TIMM23: variants seen among roughly 807,000 people sequenced by gnomAD.
The protein encoded by TIMM23 is mitochondrial import inner membrane translocase subunit Tim23.
TIMM23 carries 19 observed loss-of-function variants against 30.7 expected under a neutral mutation model. The observed-to-expected ratio is 0.62, with a 90% CI of 0.43 to 0.91. The LOEUF is 0.91. TIMM23 is among the 40% of genes least tolerant of loss of function. The pLI is 0.00. For missense variants in TIMM23, 202 were observed against 269.2 expected (o/e 0.75, Z 1.75); for synonymous variants, 78 against 98.5 (o/e 0.79, Z 1.23).
In TIMM23 at chr10:45,988,735, A is replaced by C; in HGVS notation, c.404-2A>C. The C allele has an allele frequency of 1.9e-6, 3 of 1,613,784 alleles. No homozygotes were observed. Among genetic ancestry groups the C allele is most frequent in the Non-Finnish European group, 2.5e-6 (3 of 1,179,778 alleles). On this transcript the variant is annotated splice_acceptor_variant, in intron 5 of 6. Transcript: ENST00000580018. LOFTEE classifies it high-confidence loss of function. ...CACTGAGCACTTCCATTTCCTCTTT[A>C]GCTTTGCTCTATAGTGCATTTGGTG...
Position 45,982,977 on chromosome 10 carries a change from C to G in TIMM23, c.344+47C>G, listed in dbSNP as rs1483712766. ...GATGTAGTGATACTTGAATATTAAG[C>G]TCTGTTGTATTGGTTTGATGAGTAC... On this transcript the variant is annotated intron_variant, in intron 4 of 6. Coordinates refer to ENST00000580018, the MANE Select transcript of TIMM23 (RefSeq NM_006327.4). The G allele has an allele frequency of 1.1e-5, 17 of 1,612,106 alleles. No homozygotes were observed. The African/African-American group carries it at 2.0e-4, about 19-fold the overall frequency.
intron 1 of TIMM23, among the ~76,000 whole-genome samples, chr10:45,974,566 T>G (rs1837608146): frequency 6.6e-6 from 1 of 152,168 alleles, no homozygotes; most frequent in African/African-American, 2.4e-5. Flanking sequence ...TAATGTAGGA[T>G]TTTGTAAGTT....
chr10:45,985,499 G>C (rs1837966328), intron 5 of TIMM23, 58 bp downstream of exon 5: 29 of 1,595,272 alleles, frequency 1.8e-5, no homozygotes, highest in Non-Finnish European at 2.3e-5. Context: ...CAAATATCAT[G>C]AACAATTTGA....
In TIMM23 at chr10:45,978,188, C is replaced by CA. The variant is rs1424433794; in HGVS notation, c.165+2683dup. Among the ~76,000 whole-genome samples the CA allele has an allele frequency of 5.1e-3, 775 of 151,628 alleles. 6 individuals are homozygous for CA. Among genetic ancestry groups the CA allele is most frequent in the African/African-American group, 0.017 (700 of 41,288 alleles). On this transcript the variant is annotated intron_variant, in intron 2 of 6. Transcript: ENST00000580018. ...CCAACATAAGAAGATCCCATCTCTC[C>CA]AAAAAAATACAAAAATTAGCCGGGT...
intron 6 of TIMM23, among the ~76,000 whole-genome samples, chr10:45,993,351 C>A (rs1284810990): frequency 2.0e-5 from 3 of 149,952 alleles, no homozygotes; most frequent in Non-Finnish European, 4.4e-5. Flanking sequence ...CTCCTGAGTT[C>A]GAGCGATTCT....
At chr10:45,972,780 A>C in intron 1 of TIMM23, 50 bp downstream of exon 1, 1 of 1,605,618 alleles carries the variant, frequency 6.2e-7, no homozygotes, top group Non-Finnish European at 8.5e-7. Context: ...TTTTGCGTCT[A>C]CACTAAGTTG....
intron 6 of TIMM23, among the ~76,000 whole-genome samples, chr10:45,991,912 C>G (rs1361728911): frequency 3.3e-5 from 5 of 151,840 alleles, no homozygotes; most frequent in African/African-American, 1.2e-4. Context: ...CACCACTGCC[C>G]CCATCTGTCC....
At chr10:45,999,087 C>T (rs1239422024) in intron 6 of TIMM23, among the ~76,000 whole-genome samples, 1 of 152,104 alleles carries the variant, frequency 6.6e-6, no homozygotes, top group Non-Finnish European at 1.5e-5. Flanking sequence ...CCCACCTTGG[C>T]CTTCCAAAGT....
intron 5 of TIMM23, among the ~76,000 whole-genome samples, chr10:45,986,698 G>A (rs1477269380): frequency 1.3e-5 from 2 of 152,146 alleles, no homozygotes; most frequent in Non-Finnish European, 2.9e-5. Context: ...AGCATAGAAG[G>A]ATGGCTTGGG....
intron 6 of TIMM23, among the ~76,000 whole-genome samples, chr10:45,989,784 A>G (rs1367428019): frequency 7.2e-5 from 11 of 152,330 alleles, no homozygotes; most frequent in Middle Eastern, 6.8e-3. Context: ...TGGGAGATCA[A>G]CGTGTTGCTG....
intron 1 of TIMM23, 80 bp from the exon 2 acceptor site, chr10:45,975,374 A>C: frequency 6.6e-7 from 1 of 1,524,168 alleles, no homozygotes; most frequent in Non-Finnish European, 9.0e-7. Flanking sequence ...AAACACATGT[A>C]ACAGTCAGGA....
At chr10:45,984,088 A>G (rs1479438721) in intron 4 of TIMM23, among the ~76,000 whole-genome samples, 1 of 143,054 alleles carries the variant, frequency 7.0e-6, no homozygotes, top group Admixed American at 6.9e-5. Flanking sequence ...ATCTCTGTCC[A>G]TGCTTTACCA....
chr10:45,998,256 A>G (rs1838408731), intron 6 of TIMM23: 1 of 351,806 alleles, frequency 2.8e-6, no homozygotes, highest in South Asian at 1.2e-4. Flanking sequence ...ATTTGAATGC[A>G]TTAGTTCTGC....
At chr10:45,983,935 G>T (rs1360327693) in intron 4 of TIMM23, among the ~76,000 whole-genome samples, 1 of 151,920 alleles carries the variant, frequency 6.6e-6, no homozygotes, top group Non-Finnish European at 1.5e-5. Flanking sequence ...GTAGAGACGG[G>T]GTCTCACTGT....
At chr10:45,982,138 A>G (rs1457968576) in intron 2 of TIMM23, among the ~76,000 whole-genome samples, 1 of 152,212 alleles carries the variant, frequency 6.6e-6, no homozygotes, top group Non-Finnish European at 1.5e-5. Flanking sequence ...TATACATAGA[A>G]AAATGCACAA....
Position 45,975,490 on chromosome 10 carries a change from T to C in TIMM23, c.143T>C (p.Val48Ala). The C allele has an allele frequency of 1.2e-6, 2 of 1,613,978 alleles. No homozygotes were observed. The highest frequency in any genetic ancestry group is 1.7e-6 in the Non-Finnish European group (2 of 1,179,862). The stretch of plus-strand genomic sequence containing the variant: ...AACCCTCTGTCTCCTTATTTAAATG[T>C]GGATCCACGATACCTCGTGCAGGTA... Reference protein sequence around the residue: ...GMNPLSPYLNVDPRYLVQDTD... With the variant: ...GMNPLSPYLNADPRYLVQDTD... The change falls in exon 2 of 7, where the codon GTG becomes GCG. Residue 48 changes from valine (V) to alanine (A), a missense_variant. Physicochemically the swap from Val to Ala is moderately conservative, Grantham distance 64. Coordinates refer to ENST00000580018, the MANE Select transcript of TIMM23 (RefSeq NM_006327.4).
chr10:45,996,317 A>G (rs371001435), intron 6 of TIMM23, among the ~76,000 whole-genome samples: 59,304 of 138,492 alleles, frequency 0.43, 13,850 homozygotes, highest in Admixed American at 0.55. Flanking sequence ...AGCCGAGATT[A>G]CACCACTGCA....
intron 6 of TIMM23, chr10:45,992,704 C>T (rs1838202234): frequency 2.7e-6 from 1 of 364,928 alleles, no homozygotes; most frequent in African/African-American, 2.1e-5. Context: ...ATTACAGATG[C>T]CCGCCACCAC....
chr10:46,002,683 A>G (rs868993955), intron 6 of TIMM23, among the ~76,000 whole-genome samples: 1 of 149,978 alleles, frequency 6.7e-6, no homozygotes, highest in Non-Finnish European at 1.5e-5. Flanking sequence ...AAGTAGGGGG[A>G]AAAAAATTAT....
Sources: allele counts gnomAD v4.1 joint callset (sites outside exome capture counted in the v4.1 genomes callset), GRCh38; gene constraint gnomAD v4.1.1; transcripts MANE v1.5; gene names NCBI Gene and HGNC (gene_info 2026-07-23, HGNC 2026-07-21).